Variants in LMBR1 observed in about 807,000 individuals in gnomAD.
LMBR1 encodes limb development membrane protein 1.
In LMBR1, 52 loss-of-function variants were observed where a neutral mutation model predicts 73.9. That is an observed-to-expected ratio of 0.70 (90% confidence interval 0.56 to 0.89). The LOEUF (loss-of-function observed/expected upper bound fraction) is 0.89, where lower values mean the gene tolerates loss of function less well. Ranked by LOEUF, LMBR1 falls within the 40% of genes least tolerant of loss-of-function variation. LMBR1 has a pLI of 0.00. For missense variants in LMBR1, 539 were observed against 579.8 expected, an observed-to-expected ratio of 0.93 and a Z score of 0.72; for synonymous variants, 215 against 209.4, an observed-to-expected ratio of 1.03 and a Z score of -0.23.
At chr7:156,676,796 T>C, downstream of LMBR1, 1 of 645,508 alleles carries the variant, frequency 1.5e-6, no homozygotes. Context: ...TAGGAAATCT[T>C]AGTATATTTT....
rs574985014 is a variant in LMBR1 at position 156,780,699 on chromosome 7, A to G, written c.423+15690T>C. ...TATACGTGCTTACTGAATCTTTGCA[A>G]TATATTAAAAGGTAAATTTGATTAC... On this transcript the variant is annotated intron_variant, in intron 5 of 16. Coordinates refer to ENST00000353442, the MANE Select transcript of LMBR1 (RefSeq NM_022458.4). Among the ~76,000 whole-genome samples, 251 of 152,304 alleles carry G rather than the reference A, an allele frequency of 1.6e-3. 1 individual carries two copies. The highest frequency in any genetic ancestry group is 6.8e-3 in the Middle Eastern group (2 of 294).
intron 1 of LMBR1, among the ~76,000 whole-genome samples, chr7:156,839,214 T>C (rs1400231741): frequency 6.6e-6 from 1 of 151,950 alleles, no homozygotes; most frequent in East Asian, 1.9e-4. Flanking sequence ...CACACCTGGC[T>C]AATTTTGTAT....
At chr7:156,709,813 C>A (rs1811692985) in intron 15 of LMBR1, among the ~76,000 whole-genome samples, 1 of 151,656 alleles carries the variant, frequency 6.6e-6, no homozygotes, top group South Asian at 2.1e-4. Context: ...ATAACACTCC[C>A]AGAAGATCAC....
At chr7:156,867,683 T>C (rs1798658069) in intron 1 of LMBR1, among the ~76,000 whole-genome samples, 1 of 152,164 alleles carries the variant, frequency 6.6e-6, no homozygotes. Flanking sequence ...CATGAATCAA[T>C]TTACGTAAGA....
At chr7:156,807,438 C>G (rs1180769767) in intron 4 of LMBR1, among the ~76,000 whole-genome samples, 3 of 152,168 alleles carry the variant, frequency 2.0e-5, no homozygotes, top group Non-Finnish European at 4.4e-5. Context: ...GGAAATTTGT[C>G]CATTTCTCTA....
At chr7:156,748,237 T>A (rs1365656906) in intron 9 of LMBR1, among the ~76,000 whole-genome samples, 1 of 152,210 alleles carries the variant, frequency 6.6e-6, no homozygotes, top group African/African-American at 2.4e-5. Flanking sequence ...TCATTACTAA[T>A]GACTGCAAGA....
chr7:156,812,387 C>G lies in LMBR1; in HGVS notation c.319+14218G>C, dbSNP rs552815954. Among the ~76,000 whole-genome samples, 8 of 152,166 alleles carry G rather than the reference C, an allele frequency of 5.3e-5. No individual in the cohort carries two copies. The South Asian group carries it at 1.7e-3, about 32-fold the overall frequency. On this transcript the variant is annotated intron_variant, in intron 4 of 16. Transcript: ENST00000353442. ...AACACAAGAGCGCAGAGGACTTTCT[C>G]CAGCTGCAGTCAGAAAGATGCAGCA...
intron 4 of LMBR1, among the ~76,000 whole-genome samples, chr7:156,821,950 C>G (rs911333120): frequency 1.3e-5 from 2 of 152,196 alleles, no homozygotes; most frequent in Middle Eastern, 3.2e-3. Context: ...ATCTCCCCAC[C>G]AAATATTTAT....
chr7:156,838,892 G>A (rs1387541464), intron 1 of LMBR1, among the ~76,000 whole-genome samples: 3 of 151,978 alleles, frequency 2.0e-5, no homozygotes, highest in Non-Finnish European at 4.4e-5. Context: ...TATCTTTTGT[G>A]TTTTTGATTA....
chr7:156,675,976 C>A (rs1349096978), downstream of LMBR1: 2 of 1,135,548 alleles, frequency 1.8e-6, no homozygotes, highest in African/African-American at 1.5e-5. Context: ...CTAGGAGTGT[C>A]AGGCCCGGGG....
chr7:156,757,723 C>T (rs1563290054), intron 8 of LMBR1, among the ~76,000 whole-genome samples: 1 of 152,214 alleles, frequency 6.6e-6, no homozygotes, highest in Non-Finnish European at 1.5e-5. Context: ...TCCTTTCAGA[C>T]TTTAAAGTAT....
chr7:156,700,947 G>A (rs1206720291), intron 15 of LMBR1, among the ~76,000 whole-genome samples: 2 of 152,208 alleles, frequency 1.3e-5, no homozygotes, highest in South Asian at 2.1e-4. Context: ...AGTGGAAGGT[G>A]AAAGGCACTT....
In LMBR1 at chr7:156,842,867, T is replaced by C. The variant is rs374863801; in HGVS notation, c.67-5982A>G. ...AGATGCAGGTAGAGTCCCCAAGAAATACTAGAAGCTTGATGATTCTAACAG... is the reference window on the plus strand; with the variant it reads ...AGATGCAGGTAGAGTCCCCAAGAAACACTAGAAGCTTGATGATTCTAACAG... On this transcript the variant is annotated intron_variant, in intron 1 of 16. Transcript: ENST00000353442. Among the ~76,000 whole-genome samples, 21 of 152,192 alleles carry C rather than the reference T, an allele frequency of 1.4e-4. No homozygotes were observed. In the South Asian group the frequency reaches 3.1e-3, roughly 23 times the overall value.
intron 3 of LMBR1, among the ~76,000 whole-genome samples, chr7:156,832,861 T>G (rs1836928889): frequency 6.6e-6 from 1 of 152,142 alleles, no homozygotes; most frequent in African/African-American, 2.4e-5. Flanking sequence ...AATGAAGAAG[T>G]GTTTCAGTCT....
chr7:156,891,190 C>CAAAAAAAA (rs58107543), intron 1 of LMBR1, among the ~76,000 whole-genome samples: 19 of 20,662 alleles, frequency 9.2e-4, no homozygotes, highest in South Asian at 3.3e-3. Context: ...GACTCCATCA[C>CAAAAAAAA]AAAAAAAAAA....
intron 4 of LMBR1, among the ~76,000 whole-genome samples, chr7:156,817,828 T>C (rs982564257): frequency 3.3e-5 from 5 of 152,176 alleles, no homozygotes; most frequent in African/African-American, 1.2e-4. Flanking sequence ...TTTTACAAAA[T>C]AGGCATTGGA....
chr7:156,857,297 C>T (rs1797105389), intron 1 of LMBR1, among the ~76,000 whole-genome samples: 1 of 152,092 alleles, frequency 6.6e-6, no homozygotes, highest in African/African-American at 2.4e-5. Flanking sequence ...CAGAGAAAGA[C>T]AAACCATGTT....
rs1804516712 is a variant in LMBR1, at chr7:156,678,846, G to A, written c.*5232C>T. 6.6e-6 allele frequency: 1 copy of A among 152,156 alleles called. No homozygotes were observed. The highest frequency in any genetic ancestry group is 1.5e-5 in the Non-Finnish European group (1 of 68,038). The allele number at this position is 152,156 out of a possible 1,614,324, so 9.4% of individuals were successfully genotyped here. Reference sequence around the variant, plus strand: ...TGCCTTTAAATCCACTTAATTAGGAGCCTACCATTCCATGGGCGGGGGGAA... The same window carrying A: ...TGCCTTTAAATCCACTTAATTAGGAACCTACCATTCCATGGGCGGGGGGAA... On this transcript the variant is annotated 3_prime_UTR_variant, in exon 17 of 17. Transcript: ENST00000353442.
intron 4 of LMBR1, among the ~76,000 whole-genome samples, chr7:156,672,334 T>C (rs1333868282): frequency 1.3e-5 from 2 of 152,140 alleles, no homozygotes; most frequent in African/African-American, 4.8e-5. Context: ...CTGGATGCTA[T>C]TACCAGCGTT....
Sources: gnomAD v4.1 joint callset for allele counts (sites outside exome capture counted in the v4.1 genomes callset) on GRCh38, gnomAD v4.1.1 for gene constraint, MANE v1.5 for transcripts, NCBI Gene and HGNC (gene_info 2026-07-23, HGNC 2026-07-21) for gene names.